Variants in ADAM2 observed in about 807,000 individuals in gnomAD.
ADAM2 encodes the protein ADAM metallopeptidase domain 2.
In ADAM2, 101 loss-of-function variants were observed where a neutral mutation model predicts 99.3. The ratio of observed to expected loss-of-function variants is 1.02; its 90% CI spans 0.87 to 1.20. The LOEUF is 1.20. Among genes scored for constraint, ADAM2 ranks in the 50% most tolerant of loss-of-function variants. The pLI is 0.00. For missense variants in ADAM2, 948 were observed against 878.7 expected (o/e 1.08, Z -1.00); for synonymous variants, 323 against 287.6 (o/e 1.12, Z -1.25).
chr8:39,759,941 A>T (rs1179322596), intron 15 of ADAM2, among the ~76,000 whole-genome samples: 2 of 152,104 alleles, frequency 1.3e-5, no homozygotes, highest in African/African-American at 4.8e-5. Flanking sequence ...ATCTCGGCTC[A>T]CTGCAACCTC....
chr8:39,809,296 T>G (rs999115074), intron 7 of ADAM2, 114 bp downstream of exon 7: 2 of 601,090 alleles, frequency 3.3e-6, no homozygotes, highest in African/African-American at 2.0e-5. Flanking sequence ...AGTGCATTAA[T>G]GCAGAGCTAA....
intron 11 of ADAM2, among the ~76,000 whole-genome samples, chr8:39,771,169 T>C (rs1802766073): frequency 6.6e-6 from 1 of 152,176 alleles, no homozygotes; most frequent in African/African-American, 2.4e-5. Context: ...CTCCATCAAA[T>C]AGTCTACTAT....
chr8:39,763,018 C>G (rs971885327), intron 14 of ADAM2, among the ~76,000 whole-genome samples: 4 of 152,120 alleles, frequency 2.6e-5, no homozygotes, highest in Admixed American at 6.5e-5. Context: ...CTCAGTGTCT[C>G]ATGACAGATG....
intron 15 of ADAM2, among the ~76,000 whole-genome samples, chr8:39,758,464 T>A (rs1446196751): frequency 6.6e-6 from 1 of 151,994 alleles, no homozygotes; most frequent in Admixed American, 6.6e-5. Context: ...TTTGGAAAAT[T>A]TGAAGGGTAT....
intron 15 of ADAM2, 37 bp from the exon 16 acceptor site, chr8:39,755,948 AT>A: frequency 8.6e-7 from 1 of 1,165,780 alleles, no homozygotes; most frequent in Non-Finnish European, 1.2e-6. Flanking sequence ...ATTAATTTTA[AT>A]TTAGAGAAGT....
chr8:39,807,554 A>C (rs1804491138), intron 7 of ADAM2, among the ~76,000 whole-genome samples: 1 of 152,104 alleles, frequency 6.6e-6, no homozygotes, highest in African/African-American at 2.4e-5. Context: ...GGGATATCAT[A>C]AGGTTTCAAT....
chr8:39,834,605 T>A (rs2129589456), intron 2 of ADAM2, among the ~76,000 whole-genome samples: 1 of 151,774 alleles, frequency 6.6e-6, no homozygotes, highest in South Asian at 2.1e-4. Context: ...CATGGGGCGG[T>A]TGCCTGTAAT....
intron 7 of ADAM2, among the ~76,000 whole-genome samples, chr8:39,789,856 C>T (rs571252872): frequency 6.6e-6 from 1 of 151,272 alleles, no homozygotes; most frequent in East Asian, 1.9e-4. Context: ...AAAAAGGCAA[C>T]CTAATTAAAA....
chr8:39,793,878 T>C (rs1157422963), intron 7 of ADAM2, among the ~76,000 whole-genome samples: 2 of 152,116 alleles, frequency 1.3e-5, no homozygotes, highest in Non-Finnish European at 2.9e-5. Flanking sequence ...TGTCCAACAA[T>C]GGGCAGAAAT....
chr8:39,810,209 G>T (rs539964936), intron 6 of ADAM2, among the ~76,000 whole-genome samples: 1 of 152,196 alleles, frequency 6.6e-6, no homozygotes, highest in African/African-American at 2.4e-5. Context: ...TAATGGTAAA[G>T]TGATCAATTC....
At chr8:39,767,646 T>C (rs1802623704) in intron 12 of ADAM2, among the ~76,000 whole-genome samples, 1 of 152,170 alleles carries the variant, frequency 6.6e-6, no homozygotes, top group South Asian at 2.1e-4. Context: ...CTTCTGAATA[T>C]AATATTTTAA....
chr8:39,786,857 C>T (rs1327175237), intron 10 of ADAM2, 117 bp downstream of exon 10: 1 of 705,446 alleles, frequency 1.4e-6, no homozygotes, highest in Non-Finnish European at 2.3e-6. Context: ...CTGTCAGCAA[C>T]AGTGACAAAG....
chr8:39,805,674 T>G (rs1586131423), intron 7 of ADAM2, among the ~76,000 whole-genome samples: 1 of 152,182 alleles, frequency 6.6e-6, no homozygotes, highest in African/African-American at 2.4e-5. Flanking sequence ...AATTCTACCA[T>G]AACAGCTCAA....
In ADAM2 at chr8:39,782,512, T is replaced by A. The variant is rs1803272789; in HGVS notation, c.891+4462A>T. The stretch of plus-strand genomic sequence containing the variant: ...CCATTTTTTGGAAATCATGTGGGCC[T>A]AGATGTTTTGTTTGTTTTGGAGAAA... On this transcript the variant is annotated intron_variant, in intron 10 of 20. Transcript: ENST00000265708. Among the ~76,000 whole-genome samples, 3 of 152,150 alleles carry A rather than the reference T, an allele frequency of 2.0e-5. No individual in the cohort carries two copies. In the South Asian group the frequency reaches 6.2e-4, roughly 31 times the overall value.
intron 9 of ADAM2, among the ~76,000 whole-genome samples, chr8:39,787,667 A>T (rs968484110): frequency 1.1e-4 from 17 of 151,670 alleles, no homozygotes; most frequent in African/African-American, 3.9e-4. Context: ...CTTAAGCACA[A>T]TGCAGATATA....
chr8:39,766,785 A>C, intron 14 of ADAM2, 63 bp downstream of exon 14: 2 of 1,055,974 alleles, frequency 1.9e-6, no homozygotes, highest in Non-Finnish European at 2.8e-6. Flanking sequence ...ATGTATCAGC[A>C]TCTATTTCTG....
intron 7 of ADAM2, among the ~76,000 whole-genome samples, chr8:39,802,502 C>A (rs965390771): frequency 3.3e-5 from 5 of 152,160 alleles, no homozygotes; most frequent in African/African-American, 1.2e-4. Context: ...ATAAACTGAA[C>A]TGAATCCTGA....
Position 39,755,714 on chromosome 8 carries a change from A to T in ADAM2, c.1797+14T>A. ...AAATATTAGGAAATTATTTGGGAAT[A>T]AAAGACTACCTACCTTATTTGAACC... On this transcript the variant is annotated intron_variant, in intron 16 of 20. Coordinates refer to ENST00000265708, the MANE Select transcript of ADAM2 (RefSeq NM_001464.5). 6.3e-7 allele frequency: 1 copy of T among 1,597,286 alleles called. No homozygotes were observed. The highest frequency in any genetic ancestry group is 8.6e-7 in the Non-Finnish European group (1 of 1,169,304).
intron 15 of ADAM2, among the ~76,000 whole-genome samples, chr8:39,759,574 A>G (rs1156317679): frequency 6.6e-6 from 1 of 152,196 alleles, no homozygotes; most frequent in Non-Finnish European, 1.5e-5. Flanking sequence ...AGATAAACAC[A>G]TGGATATATT....
Sources: allele counts gnomAD v4.1 joint callset (sites outside exome capture counted in the v4.1 genomes callset), GRCh38; gene constraint gnomAD v4.1.1; transcripts MANE v1.5; gene names NCBI Gene and HGNC (gene_info 2026-07-23, HGNC 2026-07-21).